Variants in ANKRD30BL observed in about 807,000 individuals in gnomAD.
ANKRD30BL encodes the protein putative ankyrin repeat domain-containing protein 30B-like.
ANKRD30BL carries 20 observed loss-of-function variants against 18.4 expected under a neutral mutation model. That is an observed-to-expected ratio of 1.09 (90% CI 0.77 to 1.58). The LOEUF is 1.58. Among genes scored for constraint, ANKRD30BL ranks in the 40% most tolerant of loss-of-function variants. The pLI, the probability that ANKRD30BL is intolerant of heterozygous loss-of-function variation, is 0.00. For synonymous variants in ANKRD30BL, 72 were observed against 100.9 expected (o/e 0.71, Z 1.72); for missense variants, 224 against 268.6 (o/e 0.83, Z 1.16).
intron 1 of ANKRD30BL, among the ~76,000 whole-genome samples, chr2:132,211,478 G>A (rs796613149): frequency 6.6e-6 from 1 of 151,794 alleles, no homozygotes; most frequent in South Asian, 2.1e-4. Context: ...CCTTACCTTT[G>A]ATTGAGCAGT....
intron 1 of ANKRD30BL, among the ~76,000 whole-genome samples, chr2:132,230,640 A>G (rs1158469695): frequency 1.3e-5 from 2 of 152,132 alleles, no homozygotes; most frequent in Non-Finnish European, 2.9e-5. Context: ...GGAAACGGGA[A>G]TAACTTCACA....
intron 1 of ANKRD30BL, among the ~76,000 whole-genome samples, chr2:132,212,244 G>T (rs556846334): frequency 6.7e-6 from 1 of 150,168 alleles, no homozygotes; most frequent in Admixed American, 6.7e-5. Context: ...GTGGAAAAGG[G>T]TCTGCAAGTG....
At chr2:132,161,427 G>A (rs1688053844) in intron 1 of ANKRD30BL, 61 bp downstream of exon 1, 2 of 1,389,140 alleles carry the variant, frequency 1.4e-6, no homozygotes, top group South Asian at 1.3e-5. Flanking sequence ...CACTCTGAAG[G>A]GGCGATCCTC....
At position 132,239,767 on chromosome 2, in the gene ANKRD30BL, A is replaced by C. The variant is rs1013512466; in HGVS notation, n.441+17762T>G. The stretch of plus-strand genomic sequence containing the variant: ...CTCTTTTTGTAGTTTCACTAAGTGG[A>C]CATTTGGAGCGCTTTGAGGCCTAGG... On this transcript the variant is annotated intron_variant and non_coding_transcript_variant, in intron 1 of 4. Transcript: ENST00000470729. 4.0e-5 allele frequency among the ~76,000 whole-genome samples: 6 copies of C among 151,842 alleles called. No individual in the cohort carries two copies. The Admixed American group carries it at 4.0e-4, about 10-fold the overall frequency.
chr2:132,234,455 A>C (rs1680099915), intron 1 of ANKRD30BL, among the ~76,000 whole-genome samples: 1 of 152,130 alleles, frequency 6.6e-6, no homozygotes, highest in Non-Finnish European at 1.5e-5. Context: ...CTAATAAAGA[A>C]AAAAAGAGAG....
intron 2 of ANKRD30BL, 73 bp downstream of exon 2, chr2:132,157,236 G>A: frequency 9.7e-7 from 1 of 1,026,860 alleles, no homozygotes; most frequent in Non-Finnish European, 1.4e-6. Flanking sequence ...ATATTTCAAT[G>A]AGATAGATTC....
chr2:132,199,202 T>A (rs868860216), intron 1 of ANKRD30BL, among the ~76,000 whole-genome samples: 34 of 151,606 alleles, frequency 2.2e-4, no homozygotes, highest in African/African-American at 6.3e-4. Flanking sequence ...AAATAAAATT[T>A]AAAAAAAATT....
chr2:132,218,318 C>A (rs577202502), intron 1 of ANKRD30BL, among the ~76,000 whole-genome samples: 1 of 152,372 alleles, frequency 6.6e-6, no homozygotes, highest in East Asian at 1.9e-4. Flanking sequence ...GAAGCATTCC[C>A]AGAAACTTCT....
chr2:132,163,503 T>A (rs7421628), upstream of ANKRD30BL, among the ~76,000 whole-genome samples: 4 of 152,202 alleles, frequency 2.6e-5, no homozygotes, highest in African/African-American at 9.7e-5. Flanking sequence ...TGATTGTTTG[T>A]GCCGCTGCAC....
At chr2:132,163,697 G>A (rs1461673458), upstream of ANKRD30BL, among the ~76,000 whole-genome samples, 2 of 152,164 alleles carry the variant, frequency 1.3e-5, no homozygotes, top group African/African-American at 4.8e-5. Context: ...GCCTCCAGGG[G>A]GCCCAAGTCA....
chr2:132,238,983 T>G (rs527504760), intron 1 of ANKRD30BL, among the ~76,000 whole-genome samples: 1 of 152,258 alleles, frequency 6.6e-6, no homozygotes, highest in South Asian at 2.1e-4. Context: ...CACAGAAGCA[T>G]TCTCAGAAAC....
At chr2:132,250,613 C>T (rs796452612) in intron 1 of ANKRD30BL, among the ~76,000 whole-genome samples, 1 of 152,156 alleles carries the variant, frequency 6.6e-6, no homozygotes, top group Non-Finnish European at 1.5e-5. Context: ...CATGCATTGC[C>T]TAAGGTGATT....
At chr2:132,241,666 G>A (rs1307369389) in intron 1 of ANKRD30BL, among the ~76,000 whole-genome samples, 1 of 151,144 alleles carries the variant, frequency 6.6e-6, no homozygotes, top group Non-Finnish European at 1.5e-5. Context: ...TTGTGGTTTT[G>A]TTGGAAACGG....
At chr2:132,221,396 C>G (rs1679676551) in intron 1 of ANKRD30BL, among the ~76,000 whole-genome samples, 1 of 137,104 alleles carries the variant, frequency 7.3e-6, no homozygotes, top group African/African-American at 3.0e-5. Flanking sequence ...GCCCGGCCAG[C>G]CGCCCCGTCC....
At chr2:132,218,203 T>C (rs1679561261) in intron 1 of ANKRD30BL, among the ~76,000 whole-genome samples, 1 of 152,250 alleles carries the variant, frequency 6.6e-6, no homozygotes, top group African/African-American at 2.4e-5. Flanking sequence ...TTTCTTTTGA[T>C]ACAGCAGCTT....
intron 1 of ANKRD30BL, among the ~76,000 whole-genome samples, chr2:132,244,590 C>T (rs1357570070): frequency 1.3e-5 from 2 of 152,286 alleles, no homozygotes; most frequent in East Asian, 1.9e-4. Flanking sequence ...GAAATATCTT[C>T]CCATAATAAC....
chr2:132,227,532 TGGAAAC>T (rs1164184029), intron 1 of ANKRD30BL, among the ~76,000 whole-genome samples: 4 of 152,088 alleles, frequency 2.6e-5, no homozygotes, highest in Non-Finnish European at 5.9e-5. Context: ...AGACCCTCCT[TGGAAAC>T]GGGAATACCT....
chr2:132,153,775 C>T (rs13415697), intron 4 of ANKRD30BL: 121,193 of 608,492 alleles, frequency 0.2, 19,602 homozygotes, highest in African/African-American at 0.62. Flanking sequence ...TAACCATTTA[C>T]ATGTATTAAC....
At chr2:132,231,221 A>T (rs2104782843) in intron 1 of ANKRD30BL, among the ~76,000 whole-genome samples, 1 of 152,270 alleles carries the variant, frequency 6.6e-6, no homozygotes, top group Middle Eastern at 3.4e-3. Context: ...CAACTCACAG[A>T]GTTGAACTTT....
Sources: allele counts gnomAD v4.1 joint callset (sites outside exome capture counted in the v4.1 genomes callset), GRCh38; gene constraint gnomAD v4.1.1; transcripts MANE v1.5; gene names NCBI Gene and HGNC (gene_info 2026-07-23, HGNC 2026-07-21).